Variants in CFAP46 observed in about 807,000 individuals in gnomAD.
The protein encoded by CFAP46 is cilia- and flagella-associated protein 46.
A neutral mutation model predicts 325.7 loss-of-function variants in CFAP46; 245 were observed. That is an observed-to-expected ratio of 0.75 (90% CI 0.68 to 0.84). CFAP46 has a LOEUF of 0.84. Among genes scored for constraint, CFAP46 ranks in the 40% least tolerant of loss-of-function variants. The pLI is 0.00. For synonymous variants in CFAP46, 1,523 were observed against 1,495.9 expected (o/e 1.02, Z -0.42); for missense variants, 3,346 against 3,543.0 (o/e 0.94, Z 1.41).
At chr10:132,868,393 T>C (rs1332633642) in intron 33 of CFAP46, among the ~76,000 whole-genome samples, 2 of 152,256 alleles carry the variant, frequency 1.3e-5, no homozygotes, top group Non-Finnish European at 2.9e-5. Context: ...CCTGGGACAC[T>C]GCTCCACGTC....
intron 26 of CFAP46, 135 bp from the exon 27 acceptor site, chr10:132,885,421 G>T (rs1188948489): frequency 3.5e-6 from 3 of 864,700 alleles, no homozygotes; most frequent in Non-Finnish European, 5.2e-6. Flanking sequence ...GTGAGCGGGG[G>T]TCTCGGGGCT....
chr10:132,822,883 T>C (rs1418466867), intron 50 of CFAP46, among the ~76,000 whole-genome samples: 2 of 138,410 alleles, frequency 1.4e-5, no homozygotes, highest in African/African-American at 2.7e-5. Flanking sequence ...GTGCTGTGTG[T>C]GCGCTGATGT....
intron 50 of CFAP46, among the ~76,000 whole-genome samples, chr10:132,824,616 G>A (rs1190545126): frequency 3.4e-4 from 39 of 114,868 alleles, no homozygotes; most frequent in African/African-American, 6.3e-4. Flanking sequence ...TGCTGTGTGC[G>A]CTGATGTGTG....
rs200688457 is a variant in CFAP46 at position 132,814,610 on chromosome 10, C to T, written c.7252G>A (p.Val2418Ile). ...TGGGCCTCCTCGTATGGGTCCACGA[C>T]GACTGGGTCCCGGTCAAGGAGAAAC... Reference protein sequence around the residue: ...IIVDSDNFKFVVDPYEEAQGP... With the variant: ...IIVDSDNFKFIVDPYEEAQGP... Residue 2418 changes from valine to isoleucine, a missense_variant and splice_region_variant, in exon 53 of 58, where the codon GTC (valine) becomes ATC (isoleucine). Physicochemically the swap from Val to Ile is conservative, Grantham distance 29. Transcript: ENST00000368586. 207 of 1,575,492 alleles carry T rather than the reference C, an allele frequency of 1.3e-4. No individual in the cohort carries two copies. The highest frequency in any genetic ancestry group is 4.5e-4 in the Admixed American group (24 of 53,100).
intron 39 of CFAP46, among the ~76,000 whole-genome samples, chr10:132,856,736 C>G (rs899600866): frequency 7.9e-5 from 12 of 152,346 alleles, no homozygotes; most frequent in Admixed American, 3.3e-4. Context: ...ATTATAATAT[C>G]TGTGCCCATT....
At position 132,836,231 on chromosome 10, in the gene CFAP46, C is replaced by T. The variant is rs570952380; in HGVS notation, c.6537-13G>A. 6.8e-6 allele frequency: 11 copies of T among 1,610,832 alleles called. No individual in the cohort carries two copies. The African/African-American group carries it at 9.4e-5, about 14-fold the overall frequency. On this transcript the variant is annotated splice_polypyrimidine_tract_variant and intron_variant, in intron 45 of 57. Transcript: ENST00000368586. The stretch of plus-strand genomic sequence containing the variant: ...GTACAGACGGGACCTGCTGGCAGGA[C>T]GTGGGCCAGGGTCGCAGGCAAGCCA...
intron 8 of CFAP46, among the ~76,000 whole-genome samples, chr10:132,934,036 G>A (rs1849954125): frequency 6.6e-6 from 1 of 152,210 alleles, no homozygotes; most frequent in Non-Finnish European, 1.5e-5. Flanking sequence ...TGAGGTCATG[G>A]ACCTGTGTTG....
chr10:132,823,231 CTGTGTGCTGTG>C, intron 50 of CFAP46, among the ~76,000 whole-genome samples: 1 of 90,864 alleles, frequency 1.1e-5, no homozygotes, highest in Admixed American at 1.4e-4. Flanking sequence ...TGTGTGTGTG[CTGTGTGCTGTG>C]TGAGCGCTGA....
chr10:132,880,909 C>A lies in CFAP46; in HGVS notation c.3751G>T (p.Ala1251Ser). ...GGGACATCGCCGGGCGGCTTCATGG[C>A]CAGCAGGATCTCGACAGCCCAGCGG... ...HLRWAVEILLAMKPPGDVPEP... is the reference protein window; with the variant it reads ...HLRWAVEILLSMKPPGDVPEP... The change falls in exon 28 of 58, where the codon GCC becomes TCC. Residue 1251 changes from alanine to serine, a missense_variant. Transcript: ENST00000368586. 6.5e-7 allele frequency: 1 copy of A among 1,550,294 alleles called. No individual in the cohort carries two copies. Among genetic ancestry groups the A allele is most frequent in the Non-Finnish European group, 8.7e-7 (1 of 1,146,988 alleles).
Position 132,819,474 on chromosome 10 carries a change from T to G in CFAP46, c.7118-4560A>C, listed in dbSNP as rs555333656. On this transcript the variant is annotated intron_variant, in intron 50 of 57. Coordinates refer to ENST00000368586, the MANE Select transcript of CFAP46 (RefSeq NM_001200049.3). ...AAGAACAAAGCTGGTGGCATCACATTACCTGACTTGAAATTATGCAACAAA... is the reference window on the plus strand; with the variant it reads ...AAGAACAAAGCTGGTGGCATCACATGACCTGACTTGAAATTATGCAACAAA... Among the ~76,000 whole-genome samples the G allele has an allele frequency of 9.8e-5, 15 of 152,368 alleles. No individual in the cohort carries two copies. In the South Asian group the frequency reaches 2.5e-3, roughly 25 times the overall value.
chr10:132,904,190 G>A (rs747697161), intron 22 of CFAP46, among the ~76,000 whole-genome samples: 8 of 152,378 alleles, frequency 5.3e-5, no homozygotes, highest in African/African-American at 1.2e-4. Flanking sequence ...AAGGCTGGTC[G>A]TCTGCTGGAT....
intron 55 of CFAP46, among the ~76,000 whole-genome samples, chr10:132,812,122 C>T (rs558348534): frequency 5.0e-4 from 76 of 152,328 alleles, no homozygotes; most frequent in African/African-American, 1.7e-3. Context: ...GCCTCCTGAC[C>T]ACTCGCCCTG....
At chr10:132,833,685 C>T (rs1848189596) in intron 49 of CFAP46, among the ~76,000 whole-genome samples, 160 bp from the exon 50 acceptor site, 1 of 152,236 alleles carries the variant, frequency 6.6e-6, no homozygotes, top group Non-Finnish European at 1.5e-5. Context: ...CAGAACGGGG[C>T]GAGGAACAGC....
At chr10:132,885,343 G>A (rs1437653661) in intron 26 of CFAP46, 57 bp from the exon 27 acceptor site, 14 of 1,469,732 alleles carry the variant, frequency 9.5e-6, no homozygotes, top group Non-Finnish European at 1.3e-5. Flanking sequence ...AATTTTAAAC[G>A]TGGGTGATGC....
chr10:132,939,422 G>A lies in CFAP46; in HGVS notation c.372-669C>T, dbSNP rs925712571. 6.6e-6 allele frequency among the ~76,000 whole-genome samples: 1 copy of A among 152,138 alleles called. No individual in the cohort carries two copies. Among genetic ancestry groups the A allele is most frequent in the South Asian group, 2.1e-4 (1 of 4,830 alleles). ...TGCAGGGACTGAAGTAAGGGAATCCGGGCCCATCTGCCCTTCTCACTCTAG... is the reference window on the plus strand; with the variant it reads ...TGCAGGGACTGAAGTAAGGGAATCCAGGCCCATCTGCCCTTCTCACTCTAG... On this transcript the variant is annotated intron_variant, in intron 4 of 57. Coordinates refer to ENST00000368586, the MANE Select transcript of CFAP46 (RefSeq NM_001200049.3). This position sits in a 1 kb window ranked among gnomAD's most constrained non-coding sequence, Gnocchi z 4.6.
At position 132,836,067 on chromosome 10, in the gene CFAP46, C is replaced by A. The variant is rs1373811184; in HGVS notation, c.6613+75G>T. ...TCTCACCTCCCCCTCCCGACACAGC[C>A]CTGCTCACCTCCCCACTCTCGCCCA... On this transcript the variant is annotated intron_variant, in intron 46 of 57. Coordinates refer to ENST00000368586, the MANE Select transcript of CFAP46 (RefSeq NM_001200049.3). The A allele has an allele frequency of 1.7e-5, 19 of 1,126,240 alleles. No individual in the cohort carries two copies. The African/African-American group carries it at 2.6e-4, about 15-fold the overall frequency. The allele number at this position is 1,126,240 out of a possible 1,614,324, so 69.8% of individuals were successfully genotyped here.
At position 132,920,175 on chromosome 10, in the gene CFAP46, G is replaced by T. The variant is rs773912130; in HGVS notation, c.1614C>A (p.Thr538=). ...AGGTGAACCGGCCCCTGTTCTTCCC[G>T]GTGGAGACTGAGGGCGGAAATGCAA... ...LDSENEAKVS[T]GKNRGRFTYL... The change falls in exon 14 of 58, where the codon ACC becomes ACA. Residue 538 remains threonine, a synonymous_variant. Coordinates refer to ENST00000368586, the MANE Select transcript of CFAP46 (RefSeq NM_001200049.3). The T allele has an allele frequency of 4.9e-5, 76 of 1,537,558 alleles. No individual in the cohort carries two copies. The highest frequency in any genetic ancestry group is 6.2e-5 in the Non-Finnish European group (71 of 1,141,946).
At chr10:132,809,283 C>T (rs1371026018) in intron 57 of CFAP46, among the ~76,000 whole-genome samples, 2 of 152,318 alleles carry the variant, frequency 1.3e-5, no homozygotes, top group Middle Eastern at 6.8e-3. Flanking sequence ...GCCTCCATTG[C>T]AGGGACCAGA....
rs1848461412 is a variant in CFAP46, at chr10:132,847,566, C to G, written c.5953-245G>C. ...AGCCTGGGCGAGGGGATGCTGCAGC[C>G]AGGGTGAGGACGCAGACCCCTGAGG... On this transcript the variant is annotated intron_variant, in intron 41 of 57. Coordinates refer to ENST00000368586, the MANE Select transcript of CFAP46 (RefSeq NM_001200049.3). This position sits in a 1 kb window ranked among gnomAD's most constrained non-coding sequence, Gnocchi z 5.2. 6.6e-6 allele frequency among the ~76,000 whole-genome samples: 1 copy of G among 152,036 alleles called. No individual in the cohort carries two copies. Among genetic ancestry groups the G allele is most frequent in the Non-Finnish European group, 1.5e-5 (1 of 67,984 alleles).
Sources: allele counts gnomAD v4.1 joint callset (sites outside exome capture counted in the v4.1 genomes callset), GRCh38; gene constraint gnomAD v4.1.1; non-coding constraint Gnocchi (gnomAD v3.1); transcripts MANE v1.5; gene names NCBI Gene and HGNC (gene_info 2026-07-23, HGNC 2026-07-21).